Variants in ZNF708 observed in about 807,000 individuals in gnomAD.
The protein encoded by ZNF708 is zinc finger protein 708.
A neutral mutation model predicts 47.0 loss-of-function variants in ZNF708; 44 were observed. The observed-to-expected ratio is 0.94, with a 90% CI of 0.74 to 1.20. The LOEUF (loss-of-function observed/expected upper bound fraction) is 1.20, where lower values mean the gene tolerates loss of function less well. Ranked by LOEUF, ZNF708 falls within the 50% of genes most tolerant of loss-of-function variation. ZNF708 has a pLI of 0.00. For synonymous variants in ZNF708, 184 were observed against 218.5 expected (o/e 0.84, Z 1.39); for missense variants, 557 against 656.0 (o/e 0.85, Z 1.65).
At chr19:21,296,526 A>AT (rs1227126338) in intron 3 of ZNF708, among the ~76,000 whole-genome samples, 2 of 151,940 alleles carry the variant, frequency 1.3e-5, no homozygotes, top group African/African-American at 4.8e-5. Context: ...AAATAAATAA[A>AT]AAAGAACTGT....
At chr19:21,321,691 C>CAAAG (rs199938811) in intron 1 of ZNF708, among the ~76,000 whole-genome samples, 75 of 142,078 alleles carry the variant, frequency 5.3e-4, no homozygotes, top group Non-Finnish European at 6.7e-4. Context: ...AAGAAGGAAA[C>CAAAG]AAAGAAAGAA....
intron 1 of ZNF708, among the ~76,000 whole-genome samples, chr19:21,325,455 T>C (rs1973236550): frequency 6.6e-6 from 1 of 152,044 alleles, no homozygotes; most frequent in Non-Finnish European, 1.5e-5. Context: ...AACAAAAACA[T>C]AAAGTGGGGA....
chr19:21,318,530 A>C (rs548826954), intron 1 of ZNF708: 3 of 152,344 alleles, frequency 2.0e-5, no homozygotes, highest in African/African-American at 7.2e-5. Flanking sequence ...CCCTAAAAGG[A>C]ATTTCTCTTA....
intron 3 of ZNF708, among the ~76,000 whole-genome samples, chr19:21,299,921 T>C (rs951150826): frequency 6.6e-6 from 1 of 152,182 alleles, no homozygotes; most frequent in African/African-American, 2.4e-5. Flanking sequence ...ATAAATTGAA[T>C]GTTAATATTA....
chr19:21,318,760 T>C (rs1416623791), intron 1 of ZNF708: 1 of 152,188 alleles, frequency 6.6e-6, no homozygotes, highest in African/African-American at 2.4e-5. Context: ...TAGTAGAATA[T>C]ATGTGAGCTT....
intron 1 of ZNF708, among the ~76,000 whole-genome samples, chr19:21,317,801 T>C (rs1973045773): frequency 6.6e-6 from 1 of 152,214 alleles, no homozygotes; most frequent in Non-Finnish European, 1.5e-5. Flanking sequence ...CACCTATCTA[T>C]GCTAATTGGT....
At position 21,293,061 on chromosome 19, in the gene ZNF708, T is replaced by C. The variant is rs549016806; in HGVS notation, c.*213A>G. 41 of 621,596 alleles carry C rather than the reference T, an allele frequency of 6.6e-5. No individual in the cohort carries two copies. The Admixed American group carries it at 7.8e-4, about 12-fold the overall frequency. The allele number at this position is 621,596 out of a possible 1,614,324, so 38.5% of individuals were successfully genotyped here. ...TAGTTTCTCTCCAGTTTAAGTTTTT[T>C]TATGTTTAGTAAGATTTAGGGACCA... On this transcript the variant is annotated 3_prime_UTR_variant, in exon 4 of 4. Coordinates refer to ENST00000356929, the MANE Select transcript of ZNF708 (RefSeq NM_021269.3).
chr19:21,327,396 G>A (rs1005682745), intron 1 of ZNF708, among the ~76,000 whole-genome samples: 1 of 152,084 alleles, frequency 6.6e-6, no homozygotes, highest in African/African-American at 2.4e-5. Flanking sequence ...GCTGGGTGTG[G>A]TGGCACATGC....
chr19:21,328,033 A>C (rs1973297539), intron 1 of ZNF708: 36 of 989,334 alleles, frequency 3.6e-5, no homozygotes, highest in Non-Finnish European at 4.3e-5. Context: ...AAAAGTCATG[A>C]TGTGTATCTT....
chr19:21,313,203 G>A (rs60248819), intron 1 of ZNF708, among the ~76,000 whole-genome samples: 2,342 of 150,706 alleles, frequency 0.016, 70 homozygotes, highest in African/African-American at 0.05. Context: ...TGGGAGAATC[G>A]CTTGAACCCA....
intron 3 of ZNF708, among the ~76,000 whole-genome samples, chr19:21,298,527 T>C (rs1343299166): frequency 6.6e-6 from 1 of 151,712 alleles, no homozygotes; most frequent in Non-Finnish European, 1.5e-5. Context: ...ATTGCACTTC[T>C]GAAGAAATAG....
chr19:21,298,150 A>T (rs1412885938), intron 3 of ZNF708, among the ~76,000 whole-genome samples: 2 of 152,268 alleles, frequency 1.3e-5, no homozygotes, highest in East Asian at 3.9e-4. Flanking sequence ...TTAGCAAGGG[A>T]ATAGAAAACT....
At chr19:21,327,564 G>T (rs1973288027) in intron 1 of ZNF708, among the ~76,000 whole-genome samples, 1 of 150,434 alleles carries the variant, frequency 6.6e-6, no homozygotes, top group South Asian at 2.1e-4. Flanking sequence ...AAAGAAAACA[G>T]ATGTGTCTGA....
At chr19:21,297,812 GAGA>G (rs763990900) in intron 3 of ZNF708, among the ~76,000 whole-genome samples, 10 of 152,032 alleles carry the variant, frequency 6.6e-5, no homozygotes, top group East Asian at 1.9e-4. Context: ...AACCAAATGA[GAGA>G]AGAAGAGGTC....
At chr19:21,307,410 G>A (rs1261473609) in intron 3 of ZNF708, among the ~76,000 whole-genome samples, 1 of 151,938 alleles carries the variant, frequency 6.6e-6, no homozygotes, top group Non-Finnish European at 1.5e-5. Flanking sequence ...TGGATCACAA[G>A]GTCAGGAGTT....
intron 1 of ZNF708, among the ~76,000 whole-genome samples, chr19:21,319,448 G>GA (rs773726501): frequency 8.2e-4 from 52 of 63,576 alleles, no homozygotes; most frequent in South Asian, 5.5e-3. Context: ...CTCCTAATAT[G>GA]AGTTTTTTTT....
Position 21,293,391 on chromosome 19 carries a change from A to G in ZNF708, c.1575T>C (p.Ile525=), listed in dbSNP as rs139555966. Residue 525 remains isoleucine, a synonymous_variant, in exon 4 of 4, where the codon ATT becomes ATC. Coordinates refer to ENST00000356929, the MANE Select transcript of ZNF708 (RefSeq NM_021269.3). The part of the protein sequence containing the change: ...QSSTLMKHKI[I]HTGEKPYKCE... ...ATTTGTAGGGTTTCTCTCCAGTATG[A>G]ATTATCTTATGTTTCATAAGGGTTG... is the stretch of plus-strand genomic sequence containing the variant. The G allele has an allele frequency of 5.8e-5, 94 of 1,613,728 alleles. No individual in the cohort carries two copies. In the Middle Eastern group the frequency reaches 9.9e-4, roughly 17 times the overall value.
chr19:21,320,496 G>A (rs1973105391), intron 1 of ZNF708, among the ~76,000 whole-genome samples: 1 of 151,538 alleles, frequency 6.6e-6, no homozygotes. Context: ...GACCAGCCTG[G>A]GCAACATGGC....
chr19:21,327,481 G>A (rs186628526), intron 1 of ZNF708, among the ~76,000 whole-genome samples: 5 of 148,590 alleles, frequency 3.4e-5, no homozygotes, highest in Non-Finnish European at 7.4e-5. Flanking sequence ...GCGGTGACCC[G>A]AGATCGTGCC....
Sources: allele counts gnomAD v4.1 joint callset (sites outside exome capture counted in the v4.1 genomes callset), GRCh38; gene constraint gnomAD v4.1.1; transcripts MANE v1.5; gene names NCBI Gene and HGNC (gene_info 2026-07-23, HGNC 2026-07-21).